The following ADAM32 variants were observed in gnomAD, a reference collection of about 807,000 sequenced individuals.
ADAM32 encodes the protein disintegrin and metalloproteinase domain-containing protein 32.
A neutral mutation model predicts 114.9 loss-of-function variants in ADAM32; 89 were observed. The ratio of observed to expected loss-of-function variants is 0.77; its 90% CI spans 0.65 to 0.92. The LOEUF (loss-of-function observed/expected upper bound fraction) is 0.92. Ranked by LOEUF, ADAM32 falls within the 40% of genes least tolerant of loss-of-function variation. The pLI is 0.00. For missense variants in ADAM32, 870 were observed against 932.8 expected (o/e 0.93, Z 0.88); for synonymous variants, 285 against 307.5 (o/e 0.93, Z 0.77).
rs772218233 is a variant in ADAM32, at chr8:39,257,276, G to A, written c.2095G>A (p.Ala699Thr). 53 of 1,612,538 alleles carry A rather than the reference G, an allele frequency of 3.3e-5. 1 individual carries two copies. Among genetic ancestry groups the A allele is most frequent in the Admixed American group, 6.7e-5 (4 of 59,846 alleles). ...IALPILIVTT[A>T]IVLARKQLKK... is the part of the protein sequence containing the mutation. ...TCTTCCTATTCTCATTGTAACAACCGCAATAGTTTTGGCAAGGAAACAGTT... is the reference window on the plus strand; with the variant it reads ...TCTTCCTATTCTCATTGTAACAACCACAATAGTTTTGGCAAGGAAACAGTT... The change falls in exon 19 of 25, where the codon GCA (alanine) becomes ACA (threonine). Residue 699 changes from alanine (A) to threonine (T), a missense_variant. By Grantham distance (58) the Ala-to-Thr change is moderately conservative. Coordinates refer to ENST00000379907, the MANE Select transcript of ADAM32 (RefSeq NM_145004.7).
rs562818382 is a variant in ADAM32, at chr8:39,172,886, T to A, written c.915+2889T>A. ...AATGGGATTGCTGGGCTAAATGGTG[T>A]TTCTGCCTCTAGGTCTTTGAGGAAT... On this transcript the variant is annotated intron_variant, in intron 10 of 24. Transcript: ENST00000379907. Among the ~76,000 whole-genome samples the A allele has an allele frequency of 2.1e-3, 316 of 152,342 alleles. 2 individuals are homozygous for A. Among genetic ancestry groups the A allele is most frequent in the Non-Finnish European group, 2.2e-3 (147 of 68,026 alleles).
At chr8:39,250,219 A>G (rs549007103) in intron 17 of ADAM32, among the ~76,000 whole-genome samples, 2 of 150,476 alleles carry the variant, frequency 1.3e-5, no homozygotes, top group Admixed American at 6.6e-5. Context: ...TATGTTATAC[A>G]TTTTTTTAGT....
At chr8:39,130,687 A>T (rs1253254727) in intron 2 of ADAM32, among the ~76,000 whole-genome samples, 1 of 152,064 alleles carries the variant, frequency 6.6e-6, no homozygotes, top group African/African-American at 2.4e-5. Flanking sequence ...AAATTTTCAA[A>T]TTTTTGAGGA....
At chr8:39,209,042 C>G (rs1460370818) in intron 11 of ADAM32, among the ~76,000 whole-genome samples, 1 of 152,114 alleles carries the variant, frequency 6.6e-6, no homozygotes, top group Non-Finnish European at 1.5e-5. Context: ...TCTCACTGAT[C>G]CAATAACTGT....
chr8:39,224,119 C>T (rs1809179357), intron 14 of ADAM32: 1 of 152,118 alleles, frequency 6.6e-6, no homozygotes. Flanking sequence ...TTCTCTTATA[C>T]TCAGAACACA....
At chr8:39,130,734 T>C in intron 2 of ADAM32, 1 of 331,258 alleles carries the variant, frequency 3.0e-6, no homozygotes, top group Non-Finnish European at 5.9e-6. Flanking sequence ...TCTAATTTAA[T>C]TCAATTGAAG....
chr8:39,258,755 G>A (rs1051780765), intron 19 of ADAM32, among the ~76,000 whole-genome samples: 2 of 151,952 alleles, frequency 1.3e-5, no homozygotes, highest in African/African-American at 4.8e-5. Context: ...TTGATACTTT[G>A]TCTTCTGTGA....
At chr8:39,270,342 C>A (rs1247177870) in intron 19 of ADAM32, among the ~76,000 whole-genome samples, 1 of 152,136 alleles carries the variant, frequency 6.6e-6, no homozygotes, top group African/African-American at 2.4e-5. Context: ...GCATATTTCC[C>A]TCTTGCATTC....
intron 11 of ADAM32, among the ~76,000 whole-genome samples, chr8:39,202,212 T>C (rs55716826): frequency 0.25 from 37,631 of 152,058 alleles, 5,022 homozygotes; most frequent in Non-Finnish European, 0.29. Context: ...ATACCAGCTT[T>C]TTCTTGTACC....
At chr8:39,138,752 G>A (rs1014775467) in intron 3 of ADAM32, among the ~76,000 whole-genome samples, 2 of 152,188 alleles carry the variant, frequency 1.3e-5, no homozygotes, top group Admixed American at 6.5e-5. Flanking sequence ...TCACCACACT[G>A]TCTTCCACAA....
intron 7 of ADAM32, among the ~76,000 whole-genome samples, chr8:39,163,561 G>A (rs913881963): frequency 6.6e-6 from 1 of 152,152 alleles, no homozygotes; most frequent in South Asian, 2.1e-4. Flanking sequence ...AACTTTAAAA[G>A]TTACTGATTG....
chr8:39,117,592 T>C (rs1384412065), intron 1 of ADAM32, among the ~76,000 whole-genome samples: 2 of 152,106 alleles, frequency 1.3e-5, no homozygotes, highest in Non-Finnish European at 2.9e-5. Context: ...TAACATTAAA[T>C]ACTGTGGTAA....
intron 1 of ADAM32, 140 bp downstream of exon 1, chr8:39,107,973 C>G (rs541098978): frequency 8.4e-7 from 1 of 1,184,226 alleles, no homozygotes; most frequent in South Asian, 1.7e-5. Context: ...GGGGATTAGG[C>G]GCCCCGTCCG....
intron 12 of ADAM32, chr8:39,221,025 T>C (rs1265409368): frequency 1.3e-5 from 2 of 151,892 alleles, no homozygotes; most frequent in African/African-American, 2.4e-5. Flanking sequence ...CCAGGTATTA[T>C]TGTAATTTAT....
chr8:39,108,166 T>TGCG (rs1231350962), intron 1 of ADAM32: 1 of 207,142 alleles, frequency 4.8e-6, no homozygotes. Flanking sequence ...GCACCTGTGA[T>TGCG]CCCAGCTACC....
chr8:39,198,003 G>A (rs1298676855), intron 11 of ADAM32, among the ~76,000 whole-genome samples: 2 of 151,948 alleles, frequency 1.3e-5, no homozygotes, highest in Non-Finnish European at 1.5e-5. Flanking sequence ...GTGCTCCATT[G>A]TTTGGTGCAT....
chr8:39,262,819 C>T (rs1318982786), intron 19 of ADAM32, among the ~76,000 whole-genome samples: 2 of 152,220 alleles, frequency 1.3e-5, no homozygotes, highest in African/African-American at 4.8e-5. Flanking sequence ...GATTCTTGGG[C>T]CTCAGCCTCC....
At chr8:39,217,387 G>C (rs1808651783) in intron 12 of ADAM32, among the ~76,000 whole-genome samples, 1 of 151,800 alleles carries the variant, frequency 6.6e-6, no homozygotes, top group African/African-American at 2.4e-5. Context: ...TCTTGTACTT[G>C]GATATTGATA....
rs190650633 is a variant in ADAM32, at chr8:39,247,925, C to A, written c.1902+1759C>A. 3.3e-5 allele frequency among the ~76,000 whole-genome samples: 5 copies of A among 151,708 alleles called. No individual in the cohort carries two copies. In the East Asian group the frequency reaches 9.7e-4, roughly 29 times the overall value. ...TTTTTTCCTGCATTTTGATGTCTAGCTAGTACCAATTGTTGAAGTCTTTCT... is the reference window on the plus strand; with the variant it reads ...TTTTTTCCTGCATTTTGATGTCTAGATAGTACCAATTGTTGAAGTCTTTCT... On this transcript the variant is annotated intron_variant, in intron 17 of 24. Transcript: ENST00000379907.
Sources: gnomAD v4.1 joint callset for allele counts (sites outside exome capture counted in the v4.1 genomes callset) on GRCh38, gnomAD v4.1.1 for gene constraint, MANE v1.5 for transcripts, NCBI Gene and HGNC (gene_info 2026-07-23, HGNC 2026-07-21) for gene names.